Variants in PLCB4 observed in about 807,000 individuals in gnomAD.
The protein encoded by PLCB4 is 1-phosphatidylinositol 4,5-bisphosphate phosphodiesterase beta-4.
Under a neutral mutation model 178.8 loss-of-function variants are expected in PLCB4, and 77 were observed. The observed-to-expected ratio is 0.43, with a 90% CI of 0.36 to 0.52. PLCB4 has a LOEUF of 0.52. Ranked by LOEUF, PLCB4 falls within the 20% of genes least tolerant of loss-of-function variation. PLCB4 has a pLI of 0.00. For missense variants in PLCB4, 1,024 were observed against 1,453.4 expected, an observed-to-expected ratio of 0.70 and a Z score of 4.80; for synonymous variants, 496 against 490.8, an observed-to-expected ratio of 1.01 and a Z score of -0.14.
chr20:9,275,596 C>T (rs2094443788), intron 3 of PLCB4, among the ~76,000 whole-genome samples: 1 of 152,052 alleles, frequency 6.6e-6, no homozygotes, highest in Admixed American at 6.6e-5. Flanking sequence ...CCACACATGT[C>T]ATTCCTGCCT....
At chr20:9,426,954 G>A (rs1045541090) in intron 28 of PLCB4, among the ~76,000 whole-genome samples, 2 of 152,060 alleles carry the variant, frequency 1.3e-5, no homozygotes, top group African/African-American at 4.8e-5. Context: ...GCCAGGCGCG[G>A]TGGCTCATGC....
chr20:9,259,624 TA>T (rs2094276393), intron 3 of PLCB4, among the ~76,000 whole-genome samples: 2 of 152,116 alleles, frequency 1.3e-5, no homozygotes, highest in African/African-American at 4.8e-5. Flanking sequence ...ACTGTGGAGT[TA>T]AATGATAATT....
intron 6 of PLCB4, among the ~76,000 whole-genome samples, 184 bp downstream of exon 6, chr20:9,338,251 G>A (rs1213003264): frequency 2.0e-5 from 3 of 152,176 alleles, no homozygotes; most frequent in African/African-American, 7.2e-5. Context: ...TGAAACCTCT[G>A]TGACTCTCCT....
At chr20:9,383,662 TGTTTAA>T (rs2037338129) in intron 13 of PLCB4, among the ~76,000 whole-genome samples, 1 of 152,222 alleles carries the variant, frequency 6.6e-6, no homozygotes, top group South Asian at 2.1e-4. Flanking sequence ...AAAACTGAAT[TGTTTAA>T]ACTCAGAAGC....
intron 2 of PLCB4, among the ~76,000 whole-genome samples, chr20:9,162,818 A>G (rs749199742): frequency 6.6e-6 from 1 of 152,140 alleles, no homozygotes; most frequent in Non-Finnish European, 1.5e-5. Context: ...TAAAAGCCTT[A>G]TCTTGTTCTC....
At chr20:9,317,511 A>G (rs2094911949) in intron 4 of PLCB4, among the ~76,000 whole-genome samples, 1 of 152,206 alleles carries the variant, frequency 6.6e-6, no homozygotes, top group Non-Finnish European at 1.5e-5. Flanking sequence ...GAATGGAAGC[A>G]TCTCCCCCAT....
intron 25 of PLCB4, among the ~76,000 whole-genome samples, chr20:9,414,604 C>T (rs1230203567): frequency 1.3e-5 from 2 of 152,140 alleles, no homozygotes; most frequent in African/African-American, 4.8e-5. Flanking sequence ...ACACAAACAC[C>T]CCCAGGATCT....
At chr20:9,078,358 C>CTTTTA (rs1406422769) in intron 1 of PLCB4, among the ~76,000 whole-genome samples, 1 of 150,910 alleles carries the variant, frequency 6.6e-6, no homozygotes, top group Non-Finnish European at 1.5e-5. Flanking sequence ...CTTTTCTTCT[C>CTTTTA]TTTTCTTTTC....
chr20:9,345,517 C>T (rs1200901272), intron 7 of PLCB4, among the ~76,000 whole-genome samples: 1 of 152,170 alleles, frequency 6.6e-6, no homozygotes, highest in Non-Finnish European at 1.5e-5. Context: ...AAATCACAGT[C>T]ACTAGACGTA....
intron 2 of PLCB4, among the ~76,000 whole-genome samples, chr20:9,106,598 T>A (rs113292390): frequency 1.3e-5 from 2 of 151,646 alleles, no homozygotes; most frequent in African/African-American, 4.8e-5. Context: ...TCTCTCAAAG[T>A]GCGTTAAATA....
At chr20:9,365,068 A>G (rs2035658769) in intron 8 of PLCB4, among the ~76,000 whole-genome samples, 2 of 152,204 alleles carry the variant, frequency 1.3e-5, no homozygotes, top group African/African-American at 2.4e-5. Context: ...ACCAATCACA[A>G]ATAAGTACCA....
chr20:9,105,388 G>T (rs1483679213), intron 2 of PLCB4, among the ~76,000 whole-genome samples: 1 of 152,060 alleles, frequency 6.6e-6, no homozygotes, highest in Non-Finnish European at 1.5e-5. Context: ...GCCAGATTCA[G>T]TGTAGTAATA....
chr20:9,208,471 T>G (rs1325622586), intron 2 of PLCB4, among the ~76,000 whole-genome samples: 2 of 152,234 alleles, frequency 1.3e-5, no homozygotes, highest in Non-Finnish European at 2.9e-5. Context: ...TTTTTAAGTC[T>G]TATCTAATAA....
intron 36 of PLCB4, among the ~76,000 whole-genome samples, chr20:9,472,034 A>G (rs1205471818): frequency 6.6e-6 from 1 of 152,216 alleles, no homozygotes; most frequent in African/African-American, 2.4e-5. Context: ...GTTAATGGCA[A>G]TGAGGAAATA....
intron 2 of PLCB4, among the ~76,000 whole-genome samples, chr20:9,188,643 C>G (rs74183582): frequency 4.3e-3 from 273 of 63,490 alleles, no homozygotes; most frequent in African/African-American, 5.8e-3. Flanking sequence ...GGTTGGTTAA[C>G]TGTTCATTGT....
intron 25 of PLCB4, among the ~76,000 whole-genome samples, chr20:9,414,422 A>G (rs2040097328): frequency 6.6e-6 from 1 of 152,188 alleles, no homozygotes. Context: ...CGGGCACTGC[A>G]TGGTTCTCAC....
chr20:9,412,091 G>C (rs1457617460), intron 25 of PLCB4, among the ~76,000 whole-genome samples: 1 of 152,176 alleles, frequency 6.6e-6, no homozygotes, highest in African/African-American at 2.4e-5. Context: ...TACATACCTG[G>C]AGCATGCCCT....
At chr20:9,261,381 T>C (rs573009096) in intron 3 of PLCB4, among the ~76,000 whole-genome samples, 4 of 152,280 alleles carry the variant, frequency 2.6e-5, no homozygotes, top group South Asian at 4.1e-4. Context: ...ACACTAATAA[T>C]ATTTTGTTGT....
At chr20:9,232,853 T>C (rs865788670) in intron 3 of PLCB4, among the ~76,000 whole-genome samples, 1 of 152,136 alleles carries the variant, frequency 6.6e-6, no homozygotes, top group Non-Finnish European at 1.5e-5. Context: ...ATCAAAATCC[T>C]ATTTTGGCTG....
Sources: allele counts gnomAD v4.1 joint callset (sites outside exome capture counted in the v4.1 genomes callset), GRCh38; gene constraint gnomAD v4.1.1; transcripts MANE v1.5; gene names NCBI Gene and HGNC (gene_info 2026-07-23, HGNC 2026-07-21).